ASIC2: variants seen among roughly 807,000 people sequenced by gnomAD.
ASIC2 encodes the protein acid-sensing ion channel 2.
In ASIC2, 25 loss-of-function variants were observed where a neutral mutation model predicts 57.3. That is an observed-to-expected ratio of 0.44 (90% CI 0.32 to 0.61). ASIC2 has a LOEUF of 0.61. ASIC2 is among the 20% of genes least tolerant of loss of function. The pLI is 0.06. For synonymous variants in ASIC2, 319 were observed against 307.5 expected, an observed-to-expected ratio of 1.04 and a Z score of -0.39; for missense variants, 641 against 738.1, an observed-to-expected ratio of 0.87 and a Z score of 1.52.
intron 1 of ASIC2, among the ~76,000 whole-genome samples, chr17:33,972,067 G>T (rs1260488237): frequency 1.3e-5 from 2 of 152,182 alleles, no homozygotes; most frequent in Non-Finnish European, 2.9e-5. Context: ...CCTCCTTACA[G>T]ATAAAGAAAC....
chr17:34,006,938 A>G (rs1345811055), intron 1 of ASIC2, among the ~76,000 whole-genome samples: 1 of 152,200 alleles, frequency 6.6e-6, no homozygotes, highest in African/African-American at 2.4e-5. Flanking sequence ...TCTGGCAGCT[A>G]AAACGCCTGA....
intron 1 of ASIC2, among the ~76,000 whole-genome samples, chr17:33,776,963 C>T (rs2142124862): frequency 6.6e-6 from 1 of 152,328 alleles, no homozygotes; most frequent in East Asian, 1.9e-4. Context: ...ATCCTGAGCA[C>T]CGTGTGACCC....
At chr17:34,057,676 C>T (rs1461196772) in intron 1 of ASIC2, among the ~76,000 whole-genome samples, 2 of 152,074 alleles carry the variant, frequency 1.3e-5, no homozygotes, top group Non-Finnish European at 2.9e-5. Context: ...GGCACAGAGG[C>T]AAGAGGGTCA....
intron 1 of ASIC2, among the ~76,000 whole-genome samples, chr17:33,966,324 C>G (rs113147644): frequency 2.2e-3 from 329 of 152,318 alleles, no homozygotes; most frequent in African/African-American, 7.3e-3. Flanking sequence ...CCATGTCATT[C>G]TGTAGCTGTG....
At chr17:33,898,220 C>CTGTTTTTTTTT (rs1915146635) in intron 1 of ASIC2, among the ~76,000 whole-genome samples, 1 of 66,196 alleles carries the variant, frequency 1.5e-5, no homozygotes. Context: ...CATGTATAAT[C>CTGTTTTTTTTT]TTTTTTTTTT....
intron 1 of ASIC2, among the ~76,000 whole-genome samples, chr17:34,021,158 G>A (rs1000202444): frequency 6.6e-6 from 1 of 151,822 alleles, no homozygotes; most frequent in Non-Finnish European, 1.5e-5. Flanking sequence ...CTTGGGTGAC[G>A]GGTGCACCAA....
At chr17:33,133,375 G>A (rs2092355171) in intron 1 of ASIC2, among the ~76,000 whole-genome samples, 1 of 152,176 alleles carries the variant, frequency 6.6e-6, no homozygotes, top group Non-Finnish European at 1.5e-5. Context: ...GGATGGGATG[G>A]GAAAGGTGGA....
At chr17:33,045,448 G>A (rs1298074073) in intron 3 of ASIC2, among the ~76,000 whole-genome samples, 3 of 152,184 alleles carry the variant, frequency 2.0e-5, no homozygotes, top group Non-Finnish European at 4.4e-5. Flanking sequence ...ACAGGGGGAG[G>A]AGAAGTGTTC....
chr17:33,993,795 A>G (rs1906072411), intron 1 of ASIC2, among the ~76,000 whole-genome samples: 1 of 152,188 alleles, frequency 6.6e-6, no homozygotes, highest in Admixed American at 6.5e-5. Flanking sequence ...TGGTCAAGTC[A>G]CATTCCTCTC....
chr17:34,149,366 G>A (rs1347642142), intron 1 of ASIC2, among the ~76,000 whole-genome samples: 2 of 152,024 alleles, frequency 1.3e-5, no homozygotes, highest in East Asian at 1.9e-4. Flanking sequence ...TTTCTCCAAT[G>A]AGCATGGATT....
chr17:33,672,761 A>C (rs1907678541), intron 1 of ASIC2, among the ~76,000 whole-genome samples: 1 of 152,164 alleles, frequency 6.6e-6, no homozygotes, highest in Non-Finnish European at 1.5e-5. Context: ...GAGAGATTCA[A>C]CTGGCAGCAT....
At chr17:33,293,358 C>T (rs922456580), upstream of ASIC2, among the ~76,000 whole-genome samples, 2 of 152,278 alleles carry the variant, frequency 1.3e-5, no homozygotes, top group East Asian at 3.9e-4. Flanking sequence ...TGCTGACGCG[C>T]CCGGCTCCTC....
rs149814496 is a variant in ASIC2 at position 33,953,567 on chromosome 17, TA to T, written c.555+202410del. ...TTGCTTGCTCTCCTCCAGCTGTAGT[TA>T]AAAAAAAAATCATATAAATCAATGC... On this transcript the variant is annotated intron_variant, in intron 1 of 9. Transcript: ENST00000359872. 4.9e-4 allele frequency among the ~76,000 whole-genome samples: 74 copies of T among 150,602 alleles called. 1 individual carries two copies. The highest frequency in any genetic ancestry group is 1.6e-3 in the African/African-American group (65 of 41,048).
chr17:33,171,448 A>G (rs963931533), intron 1 of ASIC2, among the ~76,000 whole-genome samples: 2 of 152,102 alleles, frequency 1.3e-5, no homozygotes, highest in Admixed American at 6.5e-5. Context: ...TTGTCTTTCA[A>G]CCTTCTCTGT....
chr17:33,026,157 G>T lies in ASIC2; in HGVS notation c.1139-175C>A, dbSNP rs3025244. ...TCACAGTGCACCCCAGAGCTGGAAG[G>T]CTGGCTTCTGATCTGCTATGTAAGC... On this transcript the variant is annotated intron_variant, in intron 4 of 9. Transcript: ENST00000225823. Among the ~76,000 whole-genome samples the T allele has an allele frequency of 2.9e-3, 449 of 152,300 alleles. 14 individuals are homozygous for T. The East Asian group carries it at 0.074, about 25-fold the overall frequency.
intron 1 of ASIC2, among the ~76,000 whole-genome samples, chr17:33,133,704 C>G (rs907060819): frequency 3.3e-5 from 5 of 152,142 alleles, no homozygotes; most frequent in African/African-American, 1.2e-4. Flanking sequence ...CAAGGTAGGT[C>G]CGTGGTGATC....
chr17:33,624,643 A>G (rs753932281), intron 1 of ASIC2, among the ~76,000 whole-genome samples: 2 of 152,188 alleles, frequency 1.3e-5, no homozygotes, highest in Non-Finnish European at 2.9e-5. Context: ...TTTGCTGCCA[A>G]GTAGTTGTTT....
At chr17:33,224,681 G>T (rs757705474) in intron 1 of ASIC2, among the ~76,000 whole-genome samples, 1 of 152,150 alleles carries the variant, frequency 6.6e-6, no homozygotes, top group Admixed American at 6.5e-5. Flanking sequence ...GAAAATGGAC[G>T]CACACCTTGT....
intron 1 of ASIC2, among the ~76,000 whole-genome samples, chr17:34,057,404 T>G (rs1254143880): frequency 6.6e-6 from 1 of 152,092 alleles, no homozygotes; most frequent in African/African-American, 2.4e-5. Flanking sequence ...TGGTGGGTGT[T>G]AAAGCCCAAG....
Sources: allele counts gnomAD v4.1 joint callset (sites outside exome capture counted in the v4.1 genomes callset), GRCh38; gene constraint gnomAD v4.1.1; transcripts MANE v1.5; gene names NCBI Gene and HGNC (gene_info 2026-07-23, HGNC 2026-07-21).